SHFL: variants seen among roughly 807,000 people sequenced by gnomAD.
SHFL encodes the protein shiftless antiviral inhibitor of ribosomal frameshifting.
SHFL carries 12 observed loss-of-function variants against 34.7 expected under a neutral mutation model. The ratio of observed to expected loss-of-function variants is 0.35; its 90% CI spans 0.22 to 0.56. The LOEUF is 0.56. SHFL is among the 20% of genes least tolerant of loss of function. The probability of loss-of-function intolerance (pLI) is 0.88; values close to 1 mark genes in which losing one functional copy is unlikely to be tolerated. For synonymous variants in SHFL, 148 were observed against 156.0 expected, an observed-to-expected ratio of 0.95 and a Z score of 0.38; for missense variants, 278 against 411.1, an observed-to-expected ratio of 0.68 and a Z score of 2.80.
chr19:10,087,353 A>AG, intron 3 of SHFL, 53 bp downstream of exon 3: 1 of 1,605,938 alleles, frequency 6.2e-7, no homozygotes, highest in African/African-American at 1.3e-5. Context: ...GGAGAGCAAG[A>AG]GGGGGGACCC....
At chr19:10,089,211 C>A in intron 3 of SHFL, 1 of 1,187,276 alleles carries the variant, frequency 8.4e-7, no homozygotes, top group Non-Finnish European at 1.2e-6. Flanking sequence ...ACATGCCTGT[C>A]AGTGGGAACC....
At chr19:10,087,391 C>T (rs770138534) in intron 3 of SHFL, 91 bp downstream of exon 3, 7 of 1,384,914 alleles carry the variant, frequency 5.1e-6, no homozygotes, top group Non-Finnish European at 7.2e-6. Context: ...TGACCCCCCT[C>T]TGAAACAGGA....
rs958808414 is a variant in SHFL, at chr19:10,086,341, G to T, written c.-87G>T. 5 of 1,199,112 alleles carry T rather than the reference G, an allele frequency of 4.2e-6. No homozygotes were observed. The highest frequency in any genetic ancestry group is 4.2e-6 in the Non-Finnish European group (4 of 943,910). 74.3% of individuals were successfully genotyped at this position (1,199,112 alleles called of 1,614,324 possible). A position where few individuals can be genotyped will look rare whatever the true frequency, so the allele number is the denominator to read the frequency against. On this transcript the variant is annotated 5_prime_UTR_variant, in exon 1 of 8. Transcript: ENST00000253110. This position sits in a 1 kb window ranked among gnomAD's most constrained non-coding sequence, Gnocchi z 5.2. Reference sequence around the variant, plus strand: ...CGAGGCACCGCCCCCTGCCCTGCGCGGCTGCTGGACCGACGGGCGCACCCA... The same window carrying T: ...CGAGGCACCGCCCCCTGCCCTGCGCTGCTGCTGGACCGACGGGCGCACCCA...
intron 4 of SHFL, 99 bp from the exon 5 acceptor site, chr19:10,089,799 G>T: frequency 6.4e-7 from 1 of 1,557,558 alleles, no homozygotes; most frequent in Non-Finnish European, 8.7e-7. Flanking sequence ...CACTGGGGCA[G>T]GAAGAGGACT....
chr19:10,089,790 A>G, intron 4 of SHFL, 95 bp downstream of exon 4: 1 of 1,555,640 alleles, frequency 6.4e-7, no homozygotes, highest in Non-Finnish European at 8.7e-7. Flanking sequence ...GGAGATATTC[A>G]CTGGGGCAGG....
chr19:10,091,432 G>A lies in SHFL; in HGVS notation c.489-44G>A. On this transcript the variant is annotated intron_variant, in intron 6 of 7. Transcript: ENST00000253110. The surrounding 1 kb of genome is among the most constrained non-coding windows in gnomAD (Gnocchi z 8.2). ...CCCTCCCTGCCCTGGCCCCACCCTG[G>A]CCCAGCCTCGCCCTCGGACCCTCAC... 6.5e-7 allele frequency: 1 copy of A among 1,546,196 alleles called. No homozygotes were observed.
Position 10,087,346 on chromosome 19 carries a change from G to T in SHFL, c.195+46G>T, listed in dbSNP as rs1458660592. The T allele has an allele frequency of 3.1e-6, 5 of 1,609,978 alleles. No individual in the cohort carries two copies. The African/African-American group carries it at 6.7e-5, about 21-fold the overall frequency. ...GCAAAGGACCGGGTCACGGGAGGGA[G>T]AGCAAGAGGGGGGACCCGACCCGTT... On this transcript the variant is annotated intron_variant, in intron 3 of 7. Transcript: ENST00000253110.
Position 10,087,285 on chromosome 19 carries a change from C to A in SHFL, c.180C>A (p.Asn60Lys). 1 of 1,614,048 alleles carries A rather than the reference C, an allele frequency of 6.2e-7. No homozygotes were observed. The highest frequency in any genetic ancestry group is 8.5e-7 in the Non-Finnish European group (1 of 1,179,894). ...VKQKDGQELS[N>K]DLDAQDPPED... ...AAAAAGATGGCCAAGAACTAAGTAA[C>A]GATCTGGATGCCCAGGTAACCTATC... Residue 60 changes from asparagine (N) to lysine (K), a missense_variant, in exon 3 of 8, where the codon AAC (asparagine) becomes AAA (lysine). Asn to Lys is a moderately conservative substitution (Grantham distance 94). Around this residue, in one of 2 missense-constraint regions of SHFL, gnomAD observed 243 missense variants for 386.2 expected, o/e 0.63. Transcript: ENST00000253110.
At chr19:10,088,833 G>C (rs963818419) in intron 3 of SHFL, among the ~76,000 whole-genome samples, 1 of 151,706 alleles carries the variant, frequency 6.6e-6, no homozygotes, top group African/African-American at 2.4e-5. Flanking sequence ...TGTAATCCCA[G>C]CTACTTGGCA....
Position 10,092,339 on chromosome 19 carries a change from G to T in SHFL, c.*37G>T. ...TGCAGATACAAACCAGACACGGTCT[G>T]TGGCTACTTTGTGTTATTATAAGAT... On this transcript the variant is annotated 3_prime_UTR_variant, in exon 8 of 8. Coordinates refer to ENST00000253110, the MANE Select transcript of SHFL (RefSeq NM_018381.4). The T allele has an allele frequency of 6.4e-7, 1 of 1,550,752 alleles. No individual in the cohort carries two copies. Among genetic ancestry groups the T allele is most frequent in the Middle Eastern group, 1.7e-4 (1 of 5,962 alleles).
rs2088424020 is a variant in SHFL, at chr19:10,092,784, G to A, written c.*482G>A. The stretch of plus-strand genomic sequence containing the variant: ...GCTGGTACAGGGCACAGTTACCTGA[G>A]GGGAGAGAGAGAGTCCATGTCCTCT... On this transcript the variant is annotated 3_prime_UTR_variant, in exon 8 of 8. Transcript: ENST00000253110. 1.3e-6 allele frequency: 2 copies of A among 1,590,278 alleles called. No individual in the cohort carries two copies. The highest frequency in any genetic ancestry group is 1.7e-6 in the Non-Finnish European group (2 of 1,162,730).
In SHFL at chr19:10,092,596, T is replaced by C; in HGVS notation, c.*294T>C. On this transcript the variant is annotated 3_prime_UTR_variant, in exon 8 of 8. Coordinates refer to ENST00000253110, the MANE Select transcript of SHFL (RefSeq NM_018381.4). ...GGACAGAGGAACACAGAGTCACAGCTTCAGGGGCCGAATGAGCATGGCGGC... is the reference window on the plus strand; with the variant it reads ...GGACAGAGGAACACAGAGTCACAGCCTCAGGGGCCGAATGAGCATGGCGGC... 6.2e-7 allele frequency: 1 copy of C among 1,604,956 alleles called. No homozygotes were observed. The highest frequency in any genetic ancestry group is 8.5e-7 in the Non-Finnish European group (1 of 1,173,282).
At position 10,091,930 on chromosome 19, in the gene SHFL, C is replaced by T. The variant is rs2088398116; in HGVS notation, c.644-140C>T. On this transcript the variant is annotated intron_variant, in intron 7 of 7. Transcript: ENST00000253110. The surrounding 1 kb of genome is among the most constrained non-coding windows in gnomAD (Gnocchi z 8.2). ...CCCCAGGTCTCCTGTATCTTCAACA[C>T]CCCTGAATGTCCAGTTGTGCTGGTC... 9.2e-7 allele frequency: 1 copy of T among 1,082,682 alleles called. No homozygotes were observed. Among genetic ancestry groups the T allele is most frequent in the African/African-American group, 1.6e-5 (1 of 62,770 alleles). 67.1% of individuals were successfully genotyped at this position (1,082,682 alleles called of 1,614,324 possible).
chr19:10,093,192 TA>T lies in SHFL; in HGVS notation c.*894del. 9.6e-7 allele frequency: 1 copy of T among 1,038,618 alleles called. No homozygotes were observed. The highest frequency in any genetic ancestry group is 1.4e-6 in the Non-Finnish European group (1 of 715,534). 64.3% of individuals were successfully genotyped at this position (1,038,618 alleles called of 1,614,324 possible). ...TGGACTCCCCATCCCCCCACCAGGA[TA>T]AAAGTCCTGACCTTTGTTCTCTTGA... On this transcript the variant is annotated 3_prime_UTR_variant, in exon 8 of 8. Coordinates refer to ENST00000253110, the MANE Select transcript of SHFL (RefSeq NM_018381.4).
rs1194731618 is a variant in SHFL at position 10,086,839 on chromosome 19, A to G, written c.22-90A>G. ...CGGCGGAGGCCAAAACCAAGGGTCA[A>G]GTTCGGGCCGGGAGAACGGTGCCTA... On this transcript the variant is annotated intron_variant, in intron 1 of 7. Transcript: ENST00000253110. This position sits in a 1 kb window ranked among gnomAD's most constrained non-coding sequence, Gnocchi z 5.2. 4.7e-6 allele frequency: 7 copies of G among 1,493,962 alleles called. No homozygotes were observed. Among genetic ancestry groups the G allele is most frequent in the Non-Finnish European group, 6.4e-6 (7 of 1,099,094 alleles). 92.5% of individuals were successfully genotyped at this position (1,493,962 alleles called of 1,614,324 possible). A position where few individuals can be genotyped will look rare whatever the true frequency, so the allele number is the denominator to read the frequency against.
chr19:10,087,334 T>A (rs767734889), intron 3 of SHFL, 34 bp downstream of exon 3: 2 of 1,613,516 alleles, frequency 1.2e-6, no homozygotes, highest in Non-Finnish European at 1.7e-6. Flanking sequence ...AAGGACCGGG[T>A]CACGGGAGGG....
intron 3 of SHFL, 191 bp downstream of exon 3, chr19:10,087,491 T>C (rs2088307332): frequency 3.2e-6 from 2 of 624,224 alleles, no homozygotes; most frequent in Non-Finnish European, 5.7e-6. Flanking sequence ...CTGCAAACAG[T>C]AGGCGCTCAT....
chr19:10,087,157 A>G, intron 2 of SHFL, 94 bp from the exon 3 acceptor site: 1 of 1,593,326 alleles, frequency 6.3e-7, no homozygotes, highest in Middle Eastern at 1.7e-4. Context: ...CGGAGGTCCC[A>G]GCCTTGGGGA....
chr19:10,089,618 G>T (rs1009414241), intron 3 of SHFL, 39 bp from the exon 4 acceptor site: 51 of 1,570,472 alleles, frequency 3.2e-5, no homozygotes, highest in Non-Finnish European at 4.2e-5. Flanking sequence ...AGAGGCCTGA[G>T]CCCCATCCCC....
Sources: gnomAD v4.1 joint callset for allele counts (sites outside exome capture counted in the v4.1 genomes callset) on GRCh38, gnomAD v4.1.1 for gene constraint, gnomAD v4.1.1 regional missense constraint, Gnocchi (gnomAD v3.1) non-coding constraint, MANE v1.5 for transcripts, NCBI Gene and HGNC (gene_info 2026-07-23, HGNC 2026-07-21) for gene names.